The following FAM83B variants were observed in gnomAD, a reference collection of about 807,000 sequenced individuals.
FAM83B encodes the protein protein FAM83B.
FAM83B carries 26 observed loss-of-function variants against 38.8 expected under a neutral mutation model. The observed-to-expected ratio is 0.67, with a 90% CI of 0.49 to 0.93. The LOEUF (loss-of-function observed/expected upper bound fraction) is 0.93, where lower values mean the gene tolerates loss of function less well. Among genes scored for constraint, FAM83B ranks in the 40% least tolerant of loss-of-function variants. The pLI is 0.00. For missense variants in FAM83B, 1,237 were observed against 1,197.3 expected (o/e 1.03, Z -0.49); for synonymous variants, 419 against 423.1 (o/e 0.99, Z 0.12).
intron 2 of FAM83B, among the ~76,000 whole-genome samples, chr6:54,884,897 CG>C (rs745543506): frequency 5.3e-5 from 8 of 151,690 alleles, no homozygotes; most frequent in Admixed American, 3.9e-4. Context: ...CTCAGCCTCT[CG>C]AGTAGCTGGG....
At chr6:54,931,264 G>A (rs1773413912) in intron 4 of FAM83B, among the ~76,000 whole-genome samples, 1 of 152,148 alleles carries the variant, frequency 6.6e-6, no homozygotes, top group Admixed American at 6.6e-5. Flanking sequence ...TGTATATTCT[G>A]CTTTTGTCAA....
chr6:54,931,675 T>C (rs1037328789), intron 4 of FAM83B, among the ~76,000 whole-genome samples: 9 of 152,134 alleles, frequency 5.9e-5, no homozygotes, highest in Non-Finnish European at 1.2e-4. Flanking sequence ...CTCTTACTTT[T>C]AGCTTATGTA....
intron 2 of FAM83B, among the ~76,000 whole-genome samples, chr6:54,887,741 T>G (rs1340162154): frequency 1.3e-5 from 2 of 151,918 alleles, no homozygotes; most frequent in Non-Finnish European, 2.9e-5. Flanking sequence ...ATAAAATTAG[T>G]ATTTTATATG....
intron 2 of FAM83B, among the ~76,000 whole-genome samples, chr6:54,883,529 G>T (rs1195853388): frequency 6.0e-5 from 9 of 150,476 alleles, no homozygotes; most frequent in Non-Finnish European, 1.3e-4. Context: ...AGAGACGGGG[G>T]TTCTCCATGT....
chr6:54,886,420 A>G (rs185323418), intron 2 of FAM83B, among the ~76,000 whole-genome samples: 1 of 152,158 alleles, frequency 6.6e-6, no homozygotes, highest in East Asian at 1.9e-4. Flanking sequence ...CTTTTTTATG[A>G]GCCTAATTTT....
chr6:54,937,343 C>T (rs939010900), intron 4 of FAM83B, among the ~76,000 whole-genome samples: 2 of 151,962 alleles, frequency 1.3e-5, no homozygotes. Context: ...CCATAAAGTA[C>T]TATAAAGTCA....
chr6:54,941,449 A>G lies in FAM83B; in HGVS notation c.2478A>G (p.Ser826=). The change falls in exon 5 of 5, where the codon TCA becomes TCG. Residue 826 remains serine, a synonymous_variant. Coordinates refer to ENST00000306858, the MANE Select transcript of FAM83B (RefSeq NM_001010872.3). Reference sequence around the variant, plus strand: ...AGAAATCAGACACAAAAGTTGATTCATCTCCTAGAAGAAAGCATTCTTCCT... The same window carrying G: ...AGAAATCAGACACAAAAGTTGATTCGTCTCCTAGAAGAAAGCATTCTTCCT... ...KPKKSDTKVD[S]SPRRKHSSSS... is the part of the protein sequence containing the mutation. The G allele has an allele frequency of 1.9e-6, 3 of 1,613,114 alleles. No individual in the cohort carries two copies. Among genetic ancestry groups the G allele is most frequent in the Admixed American group, 1.7e-5 (1 of 59,776 alleles).
At chr6:54,929,093 G>A (rs1773370318) in intron 4 of FAM83B, among the ~76,000 whole-genome samples, 1 of 152,036 alleles carries the variant, frequency 6.6e-6, no homozygotes, top group Admixed American at 6.6e-5. Flanking sequence ...TATTCTCTGT[G>A]TTATCTCAAG....
intron 4 of FAM83B, among the ~76,000 whole-genome samples, chr6:54,930,558 A>G (rs1413118924): frequency 6.6e-6 from 1 of 152,114 alleles, no homozygotes; most frequent in Non-Finnish European, 1.5e-5. Context: ...ATTCTAAGTC[A>G]TTTATGGCTT....
intron 2 of FAM83B, among the ~76,000 whole-genome samples, chr6:54,906,673 C>T (rs1772783587): frequency 6.6e-6 from 1 of 152,084 alleles, no homozygotes; most frequent in Non-Finnish European, 1.5e-5. Flanking sequence ...CGTGAACCAC[C>T]ATGTCTGGCC....
At chr6:54,872,080 AT>A (rs1379653683) in intron 2 of FAM83B, among the ~76,000 whole-genome samples, 1 of 152,054 alleles carries the variant, frequency 6.6e-6, no homozygotes, top group Non-Finnish European at 1.5e-5. Flanking sequence ...AAATGAGGTA[AT>A]TTTTTTCCCT....
At chr6:54,899,710 G>C (rs1362359880) in intron 2 of FAM83B, among the ~76,000 whole-genome samples, 1 of 152,088 alleles carries the variant, frequency 6.6e-6, no homozygotes, top group Non-Finnish European at 1.5e-5. Flanking sequence ...CCATTCATGA[G>C]GCCTCCCACA....
Position 54,922,717 on chromosome 6 carries a change from T to C in FAM83B, c.445-3654T>C, listed in dbSNP as rs113226369. Among the ~76,000 whole-genome samples the C allele has an allele frequency of 3.3e-3, 507 of 152,194 alleles. 1 individual carries two copies. Among genetic ancestry groups the C allele is most frequent in the African/African-American group, 0.011 (473 of 41,562 alleles). ...TGAAGAATGTTATCACAGATAAAATTCGAGCATGGTCCAGTATTTTGTTTA... is the reference window on the plus strand; with the variant it reads ...TGAAGAATGTTATCACAGATAAAATCCGAGCATGGTCCAGTATTTTGTTTA... On this transcript the variant is annotated intron_variant, in intron 2 of 4. Transcript: ENST00000306858.
At chr6:54,871,700 G>A (rs903391261) in intron 2 of FAM83B, among the ~76,000 whole-genome samples, 8 of 118,104 alleles carry the variant, frequency 6.8e-5, no homozygotes, top group Non-Finnish European at 1.1e-4. Context: ...CTGAGATTGC[G>A]CCACTGCCCT....
At chr6:54,877,713 A>T (rs867927787) in intron 2 of FAM83B, among the ~76,000 whole-genome samples, 1 of 152,334 alleles carries the variant, frequency 6.6e-6, no homozygotes. Context: ...CCTTCATAGT[A>T]ACCTTGTGAA....
chr6:54,847,805 AC>A (rs2127570067), intron 1 of FAM83B, among the ~76,000 whole-genome samples: 1 of 152,264 alleles, frequency 6.6e-6, no homozygotes. Context: ...GGTCTCTCTG[AC>A]CTAGAAGTGG....
chr6:54,878,796 T>G (rs1042317792), intron 2 of FAM83B, among the ~76,000 whole-genome samples: 3 of 152,110 alleles, frequency 2.0e-5, no homozygotes, highest in Non-Finnish European at 2.9e-5. Context: ...ATTTTAACAG[T>G]ATACTTCTGG....
chr6:54,884,481 CAAA>C (rs769913282), intron 2 of FAM83B, among the ~76,000 whole-genome samples: 7 of 71,110 alleles, frequency 9.8e-5, no homozygotes, highest in Admixed American at 1.7e-4. Context: ...GACTCTGTCT[CAAA>C]AAAAAAAAAA....
chr6:54,916,180 T>C (rs889280932), intron 2 of FAM83B, among the ~76,000 whole-genome samples: 1 of 152,178 alleles, frequency 6.6e-6, no homozygotes, highest in African/African-American at 2.4e-5. Context: ...TCATGCACTA[T>C]TTTACAATTT....
Sources: allele counts gnomAD v4.1 joint callset (sites outside exome capture counted in the v4.1 genomes callset), GRCh38; gene constraint gnomAD v4.1.1; transcripts MANE v1.5; gene names NCBI Gene and HGNC (gene_info 2026-07-23, HGNC 2026-07-21).